GALNT13: variants seen among roughly 807,000 people sequenced by gnomAD.
The protein encoded by GALNT13 is UDP-GalNAc:polypeptide N-acetylgalactosaminyltransferase 13.
Under a neutral mutation model 64.2 loss-of-function variants are expected in GALNT13, and 28 were observed. That is an observed-to-expected ratio of 0.44 (90% CI 0.32 to 0.60). The LOEUF (loss-of-function observed/expected upper bound fraction) is 0.60, where lower values mean the gene tolerates loss of function less well. Among genes scored for constraint, GALNT13 ranks in the 20% least tolerant of loss-of-function variants. The pLI, the probability that GALNT13 is intolerant of heterozygous loss-of-function variation, is 0.05. For synonymous variants in GALNT13, 214 were observed against 224.6 expected (o/e 0.95, Z 0.42); for missense variants, 577 against 669.8 (o/e 0.86, Z 1.53).
At chr2:154,108,564 C>T (rs888109675) in intron 3 of GALNT13, among the ~76,000 whole-genome samples, 2 of 152,028 alleles carry the variant, frequency 1.3e-5, no homozygotes, top group Non-Finnish European at 2.9e-5. Flanking sequence ...GTCTTCTATG[C>T]TGTTCAGTAG....
At chr2:153,256,502 G>T in the GALNT13 span, among the ~76,000 whole-genome samples, 3 of 152,190 alleles carry the variant, frequency 2.0e-5, no homozygotes, top group African/African-American at 7.2e-5. Flanking sequence ...TTGTTCCGTT[G>T]CTGGTGAGGA....
At chr2:154,100,371 A>G (rs138137848) in intron 3 of GALNT13, among the ~76,000 whole-genome samples, 122 of 152,238 alleles carry the variant, frequency 8.0e-4, no homozygotes, top group African/African-American at 2.7e-3. Flanking sequence ...TATATCATCT[A>G]TGATTTCTTT....
the GALNT13 span, among the ~76,000 whole-genome samples, chr2:153,720,646 G>C: frequency 6.6e-6 from 1 of 151,590 alleles, no homozygotes; most frequent in Admixed American, 6.6e-5. Context: ...ACCAAGGCTC[G>C]AGAACTACAT....
the GALNT13 span, among the ~76,000 whole-genome samples, chr2:153,728,069 T>G: frequency 6.6e-6 from 1 of 152,212 alleles, no homozygotes; most frequent in Non-Finnish European, 1.5e-5. Flanking sequence ...GCAAAGGAGA[T>G]GAACTCATTC....
chr2:153,833,578 A>G, the GALNT13 span, among the ~76,000 whole-genome samples: 4 of 152,266 alleles, frequency 2.6e-5, no homozygotes, highest in South Asian at 4.1e-4. Context: ...TAGTGTATCA[A>G]ATTTAACTGA....
the GALNT13 span, among the ~76,000 whole-genome samples, chr2:153,350,477 G>A: frequency 1.3e-5 from 2 of 149,970 alleles, no homozygotes; most frequent in Non-Finnish European, 1.5e-5. Context: ...CTGTCTCCCG[G>A]GTTCAAGCGA....
At chr2:154,427,416 A>G (rs536520917) in intron 11 of GALNT13, among the ~76,000 whole-genome samples, 1 of 152,190 alleles carries the variant, frequency 6.6e-6, no homozygotes, top group Non-Finnish European at 1.5e-5. Flanking sequence ...ATGTATGAAG[A>G]CTTTAAGGAG....
chr2:153,186,538 C>A, the GALNT13 span, among the ~76,000 whole-genome samples: 1 of 150,700 alleles, frequency 6.6e-6, no homozygotes, highest in Non-Finnish European at 1.5e-5. Context: ...TATGTGATTG[C>A]TTCAGTGTCA....
the GALNT13 span, among the ~76,000 whole-genome samples, chr2:153,227,207 T>A: frequency 6.6e-6 from 1 of 152,220 alleles, no homozygotes; most frequent in Non-Finnish European, 1.5e-5. Flanking sequence ...TCACTAAAAT[T>A]ATAATTCTCC....
chr2:153,627,106 C>A, the GALNT13 span, among the ~76,000 whole-genome samples: 217 of 152,106 alleles, frequency 1.4e-3, 2 homozygotes, highest in African/African-American at 5.1e-3. Context: ...GAATGTAATA[C>A]CTGAAGGTGC....
At chr2:153,655,012 C>T in the GALNT13 span, among the ~76,000 whole-genome samples, 22 of 152,050 alleles carry the variant, frequency 1.4e-4, no homozygotes, top group Non-Finnish European at 2.2e-4. Flanking sequence ...GTAAATGTTT[C>T]TTAAATGAAT....
chr2:153,266,028 C>T, the GALNT13 span, among the ~76,000 whole-genome samples: 2 of 152,096 alleles, frequency 1.3e-5, no homozygotes, highest in African/African-American at 4.8e-5. Flanking sequence ...TTAGACACAA[C>T]ACTATTGCAC....
chr2:153,632,724 G>T, the GALNT13 span, among the ~76,000 whole-genome samples: 1 of 151,836 alleles, frequency 6.6e-6, no homozygotes, highest in East Asian at 1.9e-4. Context: ...TTCATGATTT[G>T]ATAGCTCATT....
At chr2:153,465,909 G>T in the GALNT13 span, among the ~76,000 whole-genome samples, 2 of 151,926 alleles carry the variant, frequency 1.3e-5, no homozygotes, top group Non-Finnish European at 2.9e-5. Context: ...CTTCAGTAAC[G>T]GCCAAAATCT....
the GALNT13 span, among the ~76,000 whole-genome samples, chr2:153,785,571 G>T: frequency 2.0e-5 from 3 of 152,178 alleles, no homozygotes; most frequent in Non-Finnish European, 4.4e-5. Context: ...CAGCACTGCA[G>T]TGGCAGTGGC....
chr2:154,193,322 AT>A (rs1686699968), intron 4 of GALNT13, among the ~76,000 whole-genome samples: 1 of 152,164 alleles, frequency 6.6e-6, no homozygotes, highest in Admixed American at 6.5e-5. Context: ...TTAGTTTTTT[AT>A]TCTTGTTAAA....
chr2:153,916,999 G>A (rs1489792293), intron 2 of GALNT13, among the ~76,000 whole-genome samples: 1 of 152,124 alleles, frequency 6.6e-6, no homozygotes, highest in Non-Finnish European at 1.5e-5. Flanking sequence ...TTTGCCATTG[G>A]TAAGTTATGA....
the GALNT13 span, among the ~76,000 whole-genome samples, chr2:153,134,080 T>C: frequency 2.0e-5 from 3 of 152,178 alleles, no homozygotes; most frequent in Non-Finnish European, 4.4e-5. Context: ...CTAATTACTG[T>C]AATGGGCAGA....
chr2:153,087,404 GCATCTATGTT>G, the GALNT13 span, among the ~76,000 whole-genome samples: 1 of 152,000 alleles, frequency 6.6e-6, no homozygotes, highest in Non-Finnish European at 1.5e-5. Flanking sequence ...GATGATCTTT[GCATCTATGTT>G]CATCAGATAA....
Sources: gnomAD v4.1 joint callset for allele counts (sites outside exome capture counted in the v4.1 genomes callset) on GRCh38, gnomAD v4.1.1 for gene constraint, MANE v1.5 for transcripts, NCBI Gene and HGNC (gene_info 2026-07-23, HGNC 2026-07-21) for gene names.